STK39: variants seen among roughly 807,000 people sequenced by gnomAD.
The protein encoded by STK39 is STE20/SPS1-related proline-alanine-rich protein kinase.
A neutral mutation model predicts 77.8 loss-of-function variants in STK39; 20 were observed. The observed-to-expected ratio is 0.26, with a 90% CI of 0.18 to 0.37. The LOEUF (loss-of-function observed/expected upper bound fraction) is 0.37, where lower values mean the gene tolerates loss of function less well. STK39 is among the 10% of genes least tolerant of loss of function. STK39 has a pLI of 1.00. For missense variants in STK39, 479 were observed against 656.5 expected (o/e 0.73, Z 2.95); for synonymous variants, 246 against 234.1 (o/e 1.05, Z -0.47).
chr2:168,186,132 A>G (rs1451213574), intron 1 of STK39, among the ~76,000 whole-genome samples: 5 of 152,190 alleles, frequency 3.3e-5, no homozygotes, highest in Non-Finnish European at 5.9e-5. Flanking sequence ...CCCTGGTCCA[A>G]TAGGATTAGT....
Position 168,063,695 on chromosome 2 carries a change from C to A in STK39, c.1306-125G>T, listed in dbSNP as rs770322052. 14 of 774,394 alleles carry A rather than the reference C, an allele frequency of 1.8e-5. No homozygotes were observed. The African/African-American group carries it at 2.0e-4, about 11-fold the overall frequency. The allele number at this position is 774,394 out of a possible 1,614,324, so 48.0% of individuals were successfully genotyped here. On this transcript the variant is annotated intron_variant, in intron 13 of 17. Transcript: ENST00000355999. ...AATTTCAAAACTAGATCTTTACACACGCAGGCCTTCTTTGGCATCGTAACA... is the reference window on the plus strand; with the variant it reads ...AATTTCAAAACTAGATCTTTACACAAGCAGGCCTTCTTTGGCATCGTAACA...
intron 1 of STK39, among the ~76,000 whole-genome samples, chr2:168,217,586 T>C (rs1357628829): frequency 7.9e-5 from 12 of 152,226 alleles, no homozygotes; most frequent in Admixed American, 7.8e-4. Flanking sequence ...CCAAAATTCA[T>C]GGATGCTCAA....
intron 8 of STK39, among the ~76,000 whole-genome samples, chr2:168,134,281 C>T (rs1014029857): frequency 4.6e-5 from 7 of 152,154 alleles, no homozygotes; most frequent in African/African-American, 1.7e-4. Context: ...AAGGATTCAG[C>T]TAATGCATAT....
At chr2:168,197,555 T>G (rs1689502482) in intron 1 of STK39, among the ~76,000 whole-genome samples, 2 of 152,112 alleles carry the variant, frequency 1.3e-5, no homozygotes, top group Non-Finnish European at 2.9e-5. Context: ...CAAGAGATAT[T>G]TCAGGGGGAA....
At chr2:168,144,057 A>G (rs1238039193) in intron 5 of STK39, among the ~76,000 whole-genome samples, 1 of 152,224 alleles carries the variant, frequency 6.6e-6, no homozygotes, top group Non-Finnish European at 1.5e-5. Flanking sequence ...ATTTGATTTC[A>G]GTAACATTGG....
chr2:168,235,591 C>T (rs1214240921), intron 1 of STK39, among the ~76,000 whole-genome samples: 5 of 145,520 alleles, frequency 3.4e-5, no homozygotes, highest in African/African-American at 1.3e-4. Flanking sequence ...TCTCCTAATG[C>T]TATCCCTCCC....
At chr2:168,136,203 C>A (rs537140271) in intron 8 of STK39, among the ~76,000 whole-genome samples, 2 of 151,416 alleles carry the variant, frequency 1.3e-5, no homozygotes, top group Non-Finnish European at 2.9e-5. Flanking sequence ...CCCGTCTCTA[C>A]TAAAATACAA....
chr2:168,148,799 A>G (rs1224947753), intron 5 of STK39, among the ~76,000 whole-genome samples: 2 of 152,120 alleles, frequency 1.3e-5, no homozygotes, highest in Admixed American at 6.5e-5. Flanking sequence ...TAATCCCTAA[A>G]ACTAACAGAA....
intron 14 of STK39, among the ~76,000 whole-genome samples, chr2:168,018,003 G>GC (rs1684458573): frequency 6.6e-6 from 1 of 152,060 alleles, no homozygotes; most frequent in Admixed American, 6.6e-5. Context: ...ACATGTATAT[G>GC]CAATTTAAAA....
chr2:168,021,585 G>A (rs1684573433), intron 14 of STK39, among the ~76,000 whole-genome samples: 1 of 152,038 alleles, frequency 6.6e-6, no homozygotes, highest in African/African-American at 2.4e-5. Context: ...ATGATTTAAG[G>A]CCAGAAACTA....
rs139857919 is a variant in STK39 at position 168,103,025 on chromosome 2, T to C, written c.1089+26516A>G. ...CTATTTGGACTCCTTCTGTGTAGGT[T>C]TGTGTTCCAATCACAGGGATGATGA... On this transcript the variant is annotated intron_variant, in intron 10 of 17. Transcript: ENST00000355999. Among the ~76,000 whole-genome samples the C allele has an allele frequency of 9.9e-5, 15 of 152,130 alleles. No individual in the cohort carries two copies. In the East Asian group the frequency reaches 2.5e-3, roughly 25 times the overall value.
intron 5 of STK39, among the ~76,000 whole-genome samples, chr2:168,148,849 G>A (rs1345985331): frequency 6.6e-6 from 1 of 152,146 alleles, no homozygotes; most frequent in East Asian, 1.9e-4. Flanking sequence ...GCATACAAAG[G>A]AGCCATGTTT....
rs900455871 is a variant in STK39 at position 168,247,571 on chromosome 2, G to A, written c.-136C>T. On this transcript the variant is annotated 5_prime_UTR_variant, in exon 1 of 18. Coordinates refer to ENST00000355999, the MANE Select transcript of STK39 (RefSeq NM_013233.3). ...CGCCGCCGCCGCCGCCGTCCCCGCCGAAGCCAGCTAGGAGGGGAGGGAGCA... is the reference window on the plus strand; with the variant it reads ...CGCCGCCGCCGCCGCCGTCCCCGCCAAAGCCAGCTAGGAGGGGAGGGAGCA... 25 of 707,432 alleles carry A rather than the reference G, an allele frequency of 3.5e-5. 1 individual carries two copies. In the African/African-American group the frequency reaches 4.3e-4, roughly 12 times the overall value. 43.8% of individuals were successfully genotyped at this position (707,432 alleles called of 1,614,324 possible).
At chr2:168,190,926 C>T (rs369208344) in intron 1 of STK39, among the ~76,000 whole-genome samples, 1 of 152,334 alleles carries the variant, frequency 6.6e-6, no homozygotes, top group Middle Eastern at 3.4e-3. Context: ...GGAAGCCAAA[C>T]ATTCCACAAA....
chr2:168,053,339 CAT>C (rs1198776316), intron 14 of STK39, among the ~76,000 whole-genome samples: 2 of 152,024 alleles, frequency 1.3e-5, no homozygotes, highest in African/African-American at 2.4e-5. Flanking sequence ...TAGAAAACAA[CAT>C]ATGTTGTTTT....
At chr2:167,970,643 A>C (rs1353693132) in intron 16 of STK39, among the ~76,000 whole-genome samples, 1 of 152,216 alleles carries the variant, frequency 6.6e-6, no homozygotes, top group Non-Finnish European at 1.5e-5. Flanking sequence ...GGCCTGAGAA[A>C]GACTCCGTAC....
At chr2:168,131,690 T>A (rs1687701311) in intron 8 of STK39, among the ~76,000 whole-genome samples, 1 of 152,200 alleles carries the variant, frequency 6.6e-6, no homozygotes, top group Admixed American at 6.5e-5. Flanking sequence ...ATCTACCTGC[T>A]AATTGCTTTG....
At chr2:168,171,083 G>A (rs538941245) in intron 2 of STK39, among the ~76,000 whole-genome samples, 1 of 152,300 alleles carries the variant, frequency 6.6e-6, no homozygotes, top group Non-Finnish European at 1.5e-5. Context: ...GCCAAACCAA[G>A]CTATGGCACA....
chr2:168,139,407 T>A (rs186423920), intron 7 of STK39, among the ~76,000 whole-genome samples: 1,946 of 148,768 alleles, frequency 0.013, 20 homozygotes, highest in Non-Finnish European at 0.017. Context: ...TTAAAAAAAA[T>A]TTATATATAT....
Sources: gnomAD v4.1 joint callset for allele counts (sites outside exome capture counted in the v4.1 genomes callset) on GRCh38, gnomAD v4.1.1 for gene constraint, MANE v1.5 for transcripts, NCBI Gene and HGNC (gene_info 2026-07-23, HGNC 2026-07-21) for gene names.